Variants in DOCK2 observed in about 807,000 individuals in gnomAD.
The protein encoded by DOCK2 is dedicator of cytokinesis protein 2.
A neutral mutation model predicts 248.9 loss-of-function variants in DOCK2; 87 were observed. The ratio of observed to expected loss-of-function variants is 0.35; its 90% CI spans 0.29 to 0.42. DOCK2 has a LOEUF of 0.42. DOCK2 is among the 10% of genes least tolerant of loss of function. The pLI is 1.00. For synonymous variants in DOCK2, 805 were observed against 821.6 expected, an observed-to-expected ratio of 0.98 and a Z score of 0.35; for missense variants, 1,747 against 2,300.2, an observed-to-expected ratio of 0.76 and a Z score of 4.92.
intron 13 of DOCK2, 47 bp from the exon 14 acceptor site, chr5:169,702,256 C>T (rs1287623222): frequency 6.2e-7 from 1 of 1,605,310 alleles, no homozygotes; most frequent in African/African-American, 1.3e-5. Flanking sequence ...AGCGTCTCTC[C>T]TGCTGTAATC....
intron 25 of DOCK2, among the ~76,000 whole-genome samples, chr5:169,799,591 A>C (rs574082949): frequency 6.6e-6 from 1 of 152,230 alleles, no homozygotes; most frequent in Non-Finnish European, 1.5e-5. Flanking sequence ...CTTTTTAATG[A>C]ATATTGTAAG....
intron 1 of DOCK2, among the ~76,000 whole-genome samples, chr5:169,651,814 G>C (rs918860549): frequency 2.6e-5 from 4 of 152,192 alleles, no homozygotes; most frequent in Non-Finnish European, 4.4e-5. Context: ...AGCATCCCCC[G>C]AGGGCCCTCT....
intron 49 of DOCK2, chr5:170,079,953 A>AC: frequency 3.3e-6 from 2 of 611,102 alleles, no homozygotes; most frequent in Non-Finnish European, 5.3e-6. Flanking sequence ...AATGTCCGCC[A>AC]CCCCCGCCTG....
chr5:170,047,642 G>A (rs958966367), intron 40 of DOCK2, 28 bp downstream of exon 40: 1 of 1,603,234 alleles, frequency 6.2e-7, no homozygotes, highest in African/African-American at 1.3e-5. Flanking sequence ...TTGGACACCA[G>A]GCGAGAGCCC....
chr5:169,813,138 C>G (rs1267834052), intron 26 of DOCK2, among the ~76,000 whole-genome samples: 2 of 152,182 alleles, frequency 1.3e-5, no homozygotes, highest in Non-Finnish European at 2.9e-5. Flanking sequence ...GGAGCTGGCT[C>G]TTTCCAGCTC....
rs76631412 is a variant in DOCK2, at chr5:169,832,669, T to A, written c.2704-8088T>A. Among the ~76,000 whole-genome samples, 1,034 of 152,332 alleles carry A rather than the reference T, an allele frequency of 6.8e-3. 5 individuals are homozygous for A. Among genetic ancestry groups the A allele is most frequent in the East Asian group, 0.023 (120 of 5,188 alleles). On this transcript the variant is annotated intron_variant, in intron 26 of 51. Coordinates refer to ENST00000520908, the MANE Select transcript of DOCK2 (RefSeq NM_004946.3). Reference sequence around the variant, plus strand: ...GGGCCAGAGAGAGAGAGGGTGACTGTACTGTAGATGATATCTGTTACTATT... The same window carrying A: ...GGGCCAGAGAGAGAGAGGGTGACTGAACTGTAGATGATATCTGTTACTATT...
chr5:169,726,959 C>A (rs1762504179), intron 22 of DOCK2, among the ~76,000 whole-genome samples: 1 of 151,760 alleles, frequency 6.6e-6, no homozygotes, highest in Admixed American at 6.6e-5. Context: ...GCGGTGGCTA[C>A]TGGAGAGGCT....
At chr5:169,753,872 G>A (rs1754373726) in intron 23 of DOCK2, among the ~76,000 whole-genome samples, 3 of 152,172 alleles carry the variant, frequency 2.0e-5, no homozygotes, top group Non-Finnish European at 4.4e-5. Flanking sequence ...GTCATGCTAT[G>A]GGGAATTCCT....
chr5:169,944,811 G>T (rs956220694), intron 27 of DOCK2, among the ~76,000 whole-genome samples: 1 of 152,198 alleles, frequency 6.6e-6, no homozygotes. Context: ...AAGCTGAACG[G>T]TTTCTGACCA....
chr5:169,761,707 G>A (rs946879225), intron 25 of DOCK2, 82 bp downstream of exon 25: 129 of 1,141,394 alleles, frequency 1.1e-4, no homozygotes, highest in Middle Eastern at 6.0e-4. Context: ...GCAGGAGAGG[G>A]CAACCTGTCC....
intron 8 of DOCK2, 91 bp downstream of exon 8, chr5:169,684,441 TCCAC>T: frequency 6.7e-7 from 1 of 1,489,530 alleles, no homozygotes; most frequent in Non-Finnish European, 9.1e-7. Context: ...TGGAGCAATC[TCCAC>T]CTGGAAAAGA....
chr5:169,707,130 G>A (rs1192955018), intron 14 of DOCK2, among the ~76,000 whole-genome samples: 1 of 152,204 alleles, frequency 6.6e-6, no homozygotes, highest in Non-Finnish European at 1.5e-5. Flanking sequence ...CACACTTCGG[G>A]CCCCTTCTGG....
intron 27 of DOCK2, chr5:169,884,934 A>G (rs1427159779): frequency 6.6e-6 from 1 of 152,176 alleles, no homozygotes; most frequent in Non-Finnish European, 1.5e-5. Flanking sequence ...GAATAAGTCA[A>G]CCACGTGGCC....
intron 14 of DOCK2, among the ~76,000 whole-genome samples, chr5:169,706,905 G>A (rs535620267): frequency 7.9e-5 from 12 of 152,284 alleles, no homozygotes; most frequent in South Asian, 4.1e-4. Context: ...CAGGGCTCAC[G>A]GAGTGCCTGT....
At chr5:170,081,536 C>T in intron 50 of DOCK2, 1 of 350,726 alleles carries the variant, frequency 2.9e-6, no homozygotes, top group Non-Finnish European at 5.2e-6. Context: ...AGTAAGCTCA[C>T]ACTGTCCCCT....
chr5:169,833,638 GA>G (rs1256461205), intron 26 of DOCK2, among the ~76,000 whole-genome samples: 1 of 152,178 alleles, frequency 6.6e-6, no homozygotes, highest in East Asian at 1.9e-4. Context: ...CAATAAAGAA[GA>G]AAAAAACAGA....
At chr5:169,685,973 T>C (rs1581032661) in intron 8 of DOCK2, among the ~76,000 whole-genome samples, 1 of 152,334 alleles carries the variant, frequency 6.6e-6, no homozygotes, top group Middle Eastern at 3.4e-3. Flanking sequence ...CACCAGGGTT[T>C]CAGCACCATT....
At chr5:170,065,202 A>G (rs1364569778) in intron 44 of DOCK2, among the ~76,000 whole-genome samples, 2 of 152,200 alleles carry the variant, frequency 1.3e-5, no homozygotes, top group East Asian at 3.8e-4. Context: ...AGTTATATGT[A>G]TGTTTTATGT....
chr5:169,881,523 G>T (rs1032858990), intron 27 of DOCK2: 3 of 1,075,518 alleles, frequency 2.8e-6, no homozygotes. Context: ...TTGTCCCTTA[G>T]TCCCTATAGC....
Sources: allele counts gnomAD v4.1 joint callset (sites outside exome capture counted in the v4.1 genomes callset), GRCh38; gene constraint gnomAD v4.1.1; transcripts MANE v1.5; gene names NCBI Gene and HGNC (gene_info 2026-07-23, HGNC 2026-07-21).